FAM185A: variants seen among roughly 807,000 people sequenced by gnomAD.
FAM185A encodes protein FAM185A.
In FAM185A, 21 loss-of-function variants were observed where a neutral mutation model predicts 45.7. That is an observed-to-expected ratio of 0.46 (90% CI 0.33 to 0.66). The LOEUF is 0.66. Ranked by LOEUF, FAM185A falls within the 30% of genes least tolerant of loss-of-function variation. FAM185A has a pLI of 0.03. For missense variants in FAM185A, 305 were observed against 485.4 expected (o/e 0.63, Z 3.49); for synonymous variants, 117 against 194.0 (o/e 0.60, Z 3.30).
chr7:102,818,617 C>T, the FAM185A span, among the ~76,000 whole-genome samples: 1 of 152,104 alleles, frequency 6.6e-6, no homozygotes, highest in Non-Finnish European at 1.5e-5. Context: ...GCAGTAGGGA[C>T]TGTCCGAGTT....
In FAM185A at chr7:102,808,396, G is replaced by A. The variant is rs1194646253; in HGVS notation, c.1173G>A (p.Gln391=). Residue 391 remains glutamine (Q), a synonymous_variant, in exon 8 of 8, where the codon CAG becomes CAA. Transcript: ENST00000413034. ...RQSWFQSLKL[Q]D Reference sequence around the variant, plus strand: ...GTTGGTTTCAGTCCCTGAAACTGCAGGACTAAAACTGATTTGAGTTGGATT... The same window carrying A: ...GTTGGTTTCAGTCCCTGAAACTGCAAGACTAAAACTGATTTGAGTTGGATT... 3.9e-6 allele frequency: 6 copies of A among 1,519,786 alleles called. No homozygotes were observed. The highest frequency in any genetic ancestry group is 5.4e-6 in the Non-Finnish European group (6 of 1,118,254). 94.1% of individuals were successfully genotyped at this position (1,519,786 alleles called of 1,614,324 possible).
At chr7:102,804,095 A>G (rs12671557) in intron 7 of FAM185A, among the ~76,000 whole-genome samples, 29,175 of 151,828 alleles carry the variant, frequency 0.19, 3,256 homozygotes, top group East Asian at 0.58. Context: ...TATTGTGAAA[A>G]TGACCATACT....
rs773000398 is a variant in FAM185A at position 102,786,220 on chromosome 7, TA to T, written c.932-1114del. On this transcript the variant is annotated intron_variant, in intron 6 of 7. Transcript: ENST00000413034. ...GGATGTGGAGAAATAGGAACACTTTTACACTGTTGGGTGGACTGTAAGCTAA... is the reference window on the plus strand; with the variant it reads ...GGATGTGGAGAAATAGGAACACTTTTCACTGTTGGGTGGACTGTAAGCTAA... Among the ~76,000 whole-genome samples, 30 of 152,334 alleles carry T rather than the reference TA, an allele frequency of 2.0e-4. 1 individual carries two copies. The highest frequency in any genetic ancestry group is 3.9e-4 in the Admixed American group (6 of 15,302).
At chr7:102,838,063 T>A in the FAM185A span, among the ~76,000 whole-genome samples, 27,535 of 152,182 alleles carry the variant, frequency 0.18, 2,800 homozygotes, top group East Asian at 0.43. Flanking sequence ...CTCAGAATAC[T>A]AAGCCCAGTC....
chr7:102,779,850 CTTTTTTTTTTTTTTTTTTTT>C (rs10537618), intron 6 of FAM185A: 1 of 34,202 alleles, frequency 2.9e-5, no homozygotes, highest in African/African-American at 1.2e-4. Context: ...CCACACCCAG[CTTTTTTTTTTTTTTTTTTTT>C]TTTTTTTTTG....
chr7:102,822,217 C>T, the FAM185A span: 1 of 1,613,250 alleles, frequency 6.2e-7, no homozygotes, highest in Non-Finnish European at 8.5e-7. Context: ...AACACAGAGC[C>T]AAAGTAAGTA....
the FAM185A span, among the ~76,000 whole-genome samples, chr7:102,839,635 G>A: frequency 1.3e-5 from 2 of 152,040 alleles, no homozygotes; most frequent in Non-Finnish European, 2.9e-5. Context: ...TTTAAGTAGA[G>A]ACAGGGTTTC....
the FAM185A span, chr7:102,834,473 A>ATATATATATATATG: frequency 7.8e-5 from 11 of 141,540 alleles, no homozygotes; most frequent in Admixed American, 7.8e-4. Context: ...ATATATATAT[A>ATATATATATATATG]TGTGATGTGG....
At chr7:102,783,965 GA>G (rs1226639980) in intron 6 of FAM185A, among the ~76,000 whole-genome samples, 1 of 151,210 alleles carries the variant, frequency 6.6e-6, no homozygotes, top group African/African-American at 2.4e-5. Context: ...AAAGAGAGAA[GA>G]ATCAAATAGA....
chr7:102,769,189 A>T (rs1169533398), intron 4 of FAM185A, among the ~76,000 whole-genome samples: 2 of 152,306 alleles, frequency 1.3e-5, no homozygotes, highest in South Asian at 4.1e-4. Flanking sequence ...ATTTGAAATG[A>T]TTCCTTAATT....
intron 7 of FAM185A, among the ~76,000 whole-genome samples, chr7:102,806,089 T>C (rs187821524): frequency 1.3e-5 from 2 of 152,344 alleles, no homozygotes; most frequent in East Asian, 1.9e-4. Context: ...TTGGTTCTTA[T>C]AGAAAACAAA....
chr7:102,840,670 C>T, the FAM185A span, among the ~76,000 whole-genome samples: 3 of 152,088 alleles, frequency 2.0e-5, no homozygotes, highest in East Asian at 3.9e-4. Context: ...CTTTCACCTC[C>T]CATTTGCGGA....
the FAM185A span, among the ~76,000 whole-genome samples, chr7:102,833,376 G>C: frequency 1.3e-5 from 2 of 150,894 alleles, no homozygotes; most frequent in East Asian, 3.9e-4. Flanking sequence ...TTTTGCTTTC[G>C]TTTCCACCAT....
At chr7:102,789,529 T>C (rs1399737164) in intron 7 of FAM185A, among the ~76,000 whole-genome samples, 2 of 152,134 alleles carry the variant, frequency 1.3e-5, no homozygotes, top group African/African-American at 2.4e-5. Flanking sequence ...ACCAACATAG[T>C]GAAACCCCCA....
rs753823993 is a variant in FAM185A at position 102,749,009 on chromosome 7, A to G, written c.-199A>G. The G allele has an allele frequency of 1.2e-6, 1 of 863,050 alleles. No homozygotes were observed. Among genetic ancestry groups the G allele is most frequent in the South Asian group, 1.4e-5 (1 of 69,784 alleles). The allele number at this position is 863,050 out of a possible 1,614,324, so 53.5% of individuals were successfully genotyped here. ...TCCAGGTCAGAGTTTAGAGCTTTCA[A>G]ATCCCAACTTGCCCCTGGGGATTGC... On this transcript the variant is annotated 5_prime_UTR_variant, in exon 1 of 8. Transcript: ENST00000413034.
At chr7:102,826,961 T>C in the FAM185A span, 2 of 304,248 alleles carry the variant, frequency 6.6e-6, no homozygotes, top group Non-Finnish European at 7.2e-6. Context: ...TATTTTCATT[T>C]ATTTGTGAGA....
the FAM185A span, among the ~76,000 whole-genome samples, chr7:102,821,293 C>G: frequency 6.6e-6 from 1 of 152,210 alleles, no homozygotes; most frequent in Non-Finnish European, 1.5e-5. Context: ...CCAACTCCAG[C>G]TGGCTGCCCT....
Position 102,787,400 on chromosome 7 carries a change from G to A in FAM185A, c.997G>A (p.Asp333Asn). Residue 333 changes from aspartate to asparagine, a missense_variant, in exon 7 of 8, where the codon GAT becomes AAT. Asp to Asn is a conservative substitution (Grantham distance 23). Coordinates refer to ENST00000413034, the MANE Select transcript of FAM185A (RefSeq NM_001145268.2). The stretch of plus-strand genomic sequence containing the variant: ...TTTACAGTTATCAGGGAAAGAGGTT[G>A]ATGTGAACTCAGAAGTCCATGTTCA... The part of the protein sequence containing the change: ...AHLQLSGKEV[D>N]VNSEVHVQEM... The A allele has an allele frequency of 2.0e-6, 3 of 1,536,620 alleles. No individual in the cohort carries two copies. The highest frequency in any genetic ancestry group is 2.6e-6 in the Non-Finnish European group (3 of 1,136,378).
chr7:102,768,052 A>ATAC (rs1794518714), intron 4 of FAM185A, among the ~76,000 whole-genome samples: 1 of 139,926 alleles, frequency 7.1e-6, no homozygotes, highest in South Asian at 2.3e-4. Context: ...TCTTGCCTTG[A>ATAC]TACTAGCAAT....
Sources: allele counts gnomAD v4.1 joint callset (sites outside exome capture counted in the v4.1 genomes callset), GRCh38; gene constraint gnomAD v4.1.1; transcripts MANE v1.5; gene names NCBI Gene and HGNC (gene_info 2026-07-23, HGNC 2026-07-21).